Variants in DUSP22 observed in about 807,000 individuals in gnomAD.
DUSP22 encodes the protein dual specificity protein phosphatase 22.
A neutral mutation model predicts 24.5 loss-of-function variants in DUSP22; 24 were observed. The ratio of observed to expected loss-of-function variants is 0.98; its 90% CI spans 0.71 to 1.38. DUSP22 has a LOEUF of 1.38. Ranked by LOEUF, DUSP22 falls within the 40% of genes most tolerant of loss-of-function variation. The pLI, the probability that DUSP22 is intolerant of heterozygous loss-of-function variation, is 0.00. For missense variants in DUSP22, 330 were observed against 269.2 expected, an observed-to-expected ratio of 1.23 and a Z score of -1.58; for synonymous variants, 160 against 106.4, an observed-to-expected ratio of 1.50 and a Z score of -3.10.
intron 4 of DUSP22, among the ~76,000 whole-genome samples, chr6:341,261 G>A (rs1027812044): frequency 3.2e-4 from 49 of 152,292 alleles, no homozygotes; most frequent in Non-Finnish European, 5.0e-4. Context: ...GTGCGTGGAC[G>A]TAAAGGTGAA....
Position 350,686 on chromosome 6 carries a change from T to TA in DUSP22, c.*1736dup, listed in dbSNP as rs1207390847. 2.8e-5 allele frequency: 44 copies of TA among 1,569,346 alleles called. No individual in the cohort carries two copies. Among genetic ancestry groups the TA allele is most frequent in the Non-Finnish European group, 3.7e-5 (43 of 1,157,972 alleles). On this transcript the variant is annotated 3_prime_UTR_variant, in exon 7 of 7. Transcript: ENST00000419235. The stretch of plus-strand genomic sequence containing the variant: ...ATGTTTTTCCTAAGCCAAAAATAAA[T>TA]ACGTTAACAGAAAAATGATTTAGGA...
intron 4 of DUSP22, among the ~76,000 whole-genome samples, chr6:335,686 AG>A (rs1267132341): frequency 6.6e-6 from 1 of 152,308 alleles, no homozygotes; most frequent in Non-Finnish European, 1.5e-5. Context: ...TTAATGAGCA[AG>A]TTTATGTCCT....
chr6:304,595 C>T (rs1336020970), intron 1 of DUSP22, 33 bp from the exon 2 acceptor site: 2 of 1,614,050 alleles, frequency 1.2e-6, no homozygotes, highest in East Asian at 4.5e-5. Flanking sequence ...TTAGAGTCTG[C>T]CATGCTCATG....
chr6:321,606 G>A (rs1274487221), intron 3 of DUSP22, among the ~76,000 whole-genome samples: 1 of 152,280 alleles, frequency 6.6e-6, no homozygotes, highest in African/African-American at 2.4e-5. Context: ...ATGAAAGAAG[G>A]GGAAAGATTC....
At chr6:343,659 G>GTGTGCATGTTTGCA (rs1554102509) in intron 4 of DUSP22, among the ~76,000 whole-genome samples, 17 of 149,952 alleles carry the variant, frequency 1.1e-4, no homozygotes, top group African/African-American at 2.7e-4. Flanking sequence ...CAGAACATGT[G>GTGTGCATGTTTGCA]TGTGCATGTT....
chr6:305,903 C>T (rs1288830515), intron 2 of DUSP22, among the ~76,000 whole-genome samples: 1 of 152,304 alleles, frequency 6.6e-6, no homozygotes, highest in African/African-American at 2.4e-5. Flanking sequence ...TTTCTGAGTT[C>T]AGATTCAAAT....
intron 2 of DUSP22, among the ~76,000 whole-genome samples, chr6:310,364 C>G (rs796913795): frequency 6.6e-6 from 1 of 152,290 alleles, no homozygotes; most frequent in Non-Finnish European, 1.5e-5. Flanking sequence ...CCTGCTGGCC[C>G]CCTGTTTTGT....
chr6:322,347 C>T (rs1265960148), intron 3 of DUSP22, among the ~76,000 whole-genome samples: 1 of 152,304 alleles, frequency 6.6e-6, no homozygotes, highest in Non-Finnish European at 1.5e-5. Flanking sequence ...ACTCCTGTAA[C>T]CCCTTGTGTG....
Position 349,513 on chromosome 6 carries a change from CAG to C in DUSP22, c.*563_*564del, listed in dbSNP as rs1470869878. The C allele has an allele frequency of 1.2e-4, 124 of 992,642 alleles. No homozygotes were observed. The highest frequency in any genetic ancestry group is 2.4e-4 in the Admixed American group (4 of 16,888). 61.5% of individuals were successfully genotyped at this position (992,642 alleles called of 1,614,324 possible). A position where few individuals can be genotyped will look rare whatever the true frequency, so the allele number is the denominator to read the frequency against. ...TGCCTCTGAGCAGACCGTGAGAACT[CAG>C]GGGACGAGTGGCTAAGAGCATGGCC... On this transcript the variant is annotated 3_prime_UTR_variant, in exon 7 of 7. Transcript: ENST00000419235.
chr6:301,904 T>C (rs1757596581), intron 1 of DUSP22, among the ~76,000 whole-genome samples: 2 of 152,308 alleles, frequency 1.3e-5, no homozygotes, highest in Non-Finnish European at 2.9e-5. Context: ...TCTACTCTTA[T>C]GCCCTCATTT....
intron 2 of DUSP22, 64 bp downstream of exon 2, chr6:304,725 C>A: frequency 1.2e-6 from 2 of 1,604,382 alleles, no homozygotes; most frequent in South Asian, 1.1e-5. Context: ...TCATCTTGAC[C>A]ATTTTAAAGT....
chr6:296,881 A>G (rs1380199081), intron 1 of DUSP22, among the ~76,000 whole-genome samples: 1 of 152,304 alleles, frequency 6.6e-6, no homozygotes, highest in African/African-American at 2.4e-5. Flanking sequence ...TAGCTCATCA[A>G]GCATCCGGCC....
intron 4 of DUSP22, among the ~76,000 whole-genome samples, chr6:340,970 G>T (rs1161860966): frequency 6.6e-6 from 1 of 152,136 alleles, no homozygotes; most frequent in Non-Finnish European, 1.5e-5. Flanking sequence ...AAGGTCGGTA[G>T]AGCCCATCTG....
At chr6:347,926 G>A (rs1471906018) in intron 5 of DUSP22, among the ~76,000 whole-genome samples, 177 bp from the exon 6 acceptor site, 1 of 152,300 alleles carries the variant, frequency 6.6e-6, no homozygotes. Flanking sequence ...GAAGCATAGG[G>A]AGCTGGTACG....
intron 4 of DUSP22, among the ~76,000 whole-genome samples, chr6:337,542 T>G (rs953516596): frequency 1.3e-5 from 2 of 152,292 alleles, no homozygotes; most frequent in Non-Finnish European, 2.9e-5. Flanking sequence ...GAGTTCTAGG[T>G]CTCGTGGGTC....
intron 3 of DUSP22, among the ~76,000 whole-genome samples, chr6:313,322 C>A (rs1243790057): frequency 6.6e-6 from 1 of 152,306 alleles, no homozygotes; most frequent in Admixed American, 6.5e-5. Context: ...GCACATGACC[C>A]TTAAATCTGC....
At chr6:297,480 C>G (rs62390171) in intron 1 of DUSP22, among the ~76,000 whole-genome samples, 1 of 152,292 alleles carries the variant, frequency 6.6e-6, no homozygotes, top group Admixed American at 6.5e-5. Flanking sequence ...AGGCATAGAC[C>G]GGTGTTCCTC....
intron 1 of DUSP22, among the ~76,000 whole-genome samples, chr6:302,973 C>G (rs1166326): frequency 0.22 from 31,215 of 145,002 alleles, 252 homozygotes; most frequent in Middle Eastern, 0.34. Flanking sequence ...GGTCTCTGCT[C>G]GCACTGGACT....
chr6:323,810 G>A (rs748254413), intron 3 of DUSP22, among the ~76,000 whole-genome samples: 7 of 152,422 alleles, frequency 4.6e-5, no homozygotes, highest in East Asian at 3.8e-4. Flanking sequence ...GCAGAGCCTC[G>A]CCGGGGTAGA....
Sources: gnomAD v4.1 joint callset for allele counts (sites outside exome capture counted in the v4.1 genomes callset) on GRCh38, gnomAD v4.1.1 for gene constraint, MANE v1.5 for transcripts, NCBI Gene and HGNC (gene_info 2026-07-23, HGNC 2026-07-21) for gene names.